NR5A2: variants seen among roughly 807,000 people sequenced by gnomAD.
The protein encoded by NR5A2 is CYP7A promoter-binding factor.
Under a neutral mutation model 62.7 loss-of-function variants are expected in NR5A2, and 26 were observed. The ratio of observed to expected loss-of-function variants is 0.41; its 90% CI spans 0.30 to 0.58. NR5A2 has a LOEUF of 0.58. Among genes scored for constraint, NR5A2 ranks in the 20% least tolerant of loss-of-function variants. NR5A2 has a pLI of 0.22. For missense variants in NR5A2, 541 were observed against 669.1 expected, an observed-to-expected ratio of 0.81 and a Z score of 2.11; for synonymous variants, 246 against 241.7, an observed-to-expected ratio of 1.02 and a Z score of -0.16.
At chr1:200,137,854 G>A (rs1449824181) in intron 7 of NR5A2, among the ~76,000 whole-genome samples, 1 of 152,118 alleles carries the variant, frequency 6.6e-6, no homozygotes, top group African/African-American at 2.4e-5. Flanking sequence ...ATAACCACAT[G>A]TGCTGGCATT....
At chr1:200,119,086 T>C (rs1571509347) in intron 6 of NR5A2, among the ~76,000 whole-genome samples, 1 of 152,340 alleles carries the variant, frequency 6.6e-6, no homozygotes, top group Middle Eastern at 3.4e-3. Flanking sequence ...TATAAACTGA[T>C]TGACACCTTT....
chr1:200,149,023 C>T (rs1471529035), intron 7 of NR5A2, among the ~76,000 whole-genome samples: 1 of 151,996 alleles, frequency 6.6e-6, no homozygotes, highest in African/African-American at 2.4e-5. Context: ...AACAATTCTC[C>T]TGCCTCGACC....
chr1:200,034,069 G>A (rs558223896), intron 1 of NR5A2, among the ~76,000 whole-genome samples: 101 of 152,088 alleles, frequency 6.6e-4, no homozygotes, highest in Non-Finnish European at 1.3e-3. Context: ...TTCCAGTATC[G>A]CCGGATACAT....
chr1:200,103,289 A>G (rs183947874), intron 5 of NR5A2, among the ~76,000 whole-genome samples: 1 of 151,912 alleles, frequency 6.6e-6, no homozygotes, highest in Non-Finnish European at 1.5e-5. Flanking sequence ...ACGCTGGGCT[A>G]ATTTTTTGTA....
chr1:200,163,543 A>C (rs1653755874), intron 7 of NR5A2, among the ~76,000 whole-genome samples: 1 of 150,968 alleles, frequency 6.6e-6, no homozygotes, highest in Non-Finnish European at 1.5e-5. Context: ...GTGCAGTGGC[A>C]CTATCTTGCT....
chr1:200,104,727 ATC>A (rs1389023855), intron 5 of NR5A2, among the ~76,000 whole-genome samples: 2 of 152,168 alleles, frequency 1.3e-5, no homozygotes, highest in African/African-American at 4.8e-5. Flanking sequence ...CAGTGGCGCG[ATC>A]TCGGCTCACT....
intron 5 of NR5A2, among the ~76,000 whole-genome samples, chr1:200,090,363 A>C (rs919471869): frequency 6.6e-6 from 1 of 152,230 alleles, no homozygotes; most frequent in African/African-American, 2.4e-5. Context: ...TTGGGAGTTA[A>C]AAACAGAGAT....
intron 5 of NR5A2, among the ~76,000 whole-genome samples, chr1:200,075,994 C>G (rs530002768): frequency 6.6e-6 from 1 of 151,654 alleles, no homozygotes; most frequent in South Asian, 2.1e-4. Context: ...AAGCTAAACT[C>G]AATAACATCT....
chr1:200,126,532 G>A (rs1322976668), intron 7 of NR5A2, among the ~76,000 whole-genome samples: 2 of 151,922 alleles, frequency 1.3e-5, no homozygotes, highest in African/African-American at 2.4e-5. Flanking sequence ...AAAATAATGG[G>A]AATTGAAAAT....
intron 7 of NR5A2, 81 bp downstream of exon 7, chr1:200,121,036 A>G (rs1558151557): frequency 1.3e-6 from 2 of 1,488,650 alleles, no homozygotes; most frequent in East Asian, 2.3e-5. Context: ...TGGTCCATGT[A>G]TGTTTTTGTT....
chr1:200,120,738 T>C, intron 6 of NR5A2, 70 bp from the exon 7 acceptor site: 1 of 1,439,814 alleles, frequency 6.9e-7, no homozygotes, highest in Non-Finnish European at 9.2e-7. Flanking sequence ...TTACCCATAG[T>C]TCTTACGACT....
At chr1:200,029,185 A>G (rs1391497116) in intron 1 of NR5A2, 2 of 374,592 alleles carry the variant, frequency 5.3e-6, no homozygotes, top group Admixed American at 3.1e-5. Context: ...GGCCGCAGCT[A>G]GAGCGCGCTC....
At chr1:200,144,272 G>A (rs375940418) in intron 7 of NR5A2, among the ~76,000 whole-genome samples, 30 of 121,532 alleles carry the variant, frequency 2.5e-4, no homozygotes, top group African/African-American at 8.9e-4. Flanking sequence ...CACACACACA[G>A]AACAACACTC....
chr1:200,028,422 C>T (rs1211380326), intron 1 of NR5A2, among the ~76,000 whole-genome samples: 6 of 112,816 alleles, frequency 5.3e-5, no homozygotes, highest in African/African-American at 3.1e-4. Flanking sequence ...ATGCCCCCAC[C>T]TCCAAAAAAA....
rs568204610 is a variant in NR5A2 at position 200,162,784 on chromosome 1, T to C, written c.1379-11179T>C. ...TGGGTCTCAGGCTTGAAATCCCAGG[T>C]AGATATTGGGTAACGGGATGGATTC... is the stretch of plus-strand genomic sequence containing the variant. On this transcript the variant is annotated intron_variant, in intron 7 of 7. Coordinates refer to ENST00000367362, the MANE Select transcript of NR5A2 (RefSeq NM_205860.3). 3.3e-5 allele frequency among the ~76,000 whole-genome samples: 5 copies of C among 152,160 alleles called. No individual in the cohort carries two copies. In the East Asian group the frequency reaches 5.8e-4, roughly 18 times the overall value.
rs1356045821 is a variant in NR5A2, at chr1:200,048,865, C to A, written c.1110+47C>A. ...CTTACAGCACCCCTTTTAAGAGAGA[C>A]CTAACTATGTTCCTAATTAATACAT... is the stretch of plus-strand genomic sequence containing the variant. On this transcript the variant is annotated intron_variant, in intron 5 of 7. Transcript: ENST00000367362. The surrounding 1 kb of genome is among the most constrained non-coding windows in gnomAD (Gnocchi z 4.8). 8 of 1,584,838 alleles carry A rather than the reference C, an allele frequency of 5.0e-6. No homozygotes were observed. Among genetic ancestry groups the A allele is most frequent in the Non-Finnish European group, 8.6e-7 (1 of 1,159,236 alleles).
At position 200,046,467 on chromosome 1, in the gene NR5A2, A is replaced by C. The variant is rs12085215; in HGVS notation, c.463+883A>C. ...TATCACCGATGGTGCTAGATACAAGAGTGCATTTTATTTGATCAATGAGGC... is the reference window on the plus strand; with the variant it reads ...TATCACCGATGGTGCTAGATACAAGCGTGCATTTTATTTGATCAATGAGGC... On this transcript the variant is annotated intron_variant, in intron 4 of 7. Coordinates refer to ENST00000367362, the MANE Select transcript of NR5A2 (RefSeq NM_205860.3). 4.9e-3 allele frequency among the ~76,000 whole-genome samples: 750 copies of C among 152,284 alleles called. 8 individuals carry two copies. Among genetic ancestry groups the C allele is most frequent in the African/African-American group, 0.017 (709 of 41,554 alleles).
rs373898946 is a variant in NR5A2, at chr1:200,082,958, A to G, written c.1111-28244A>G. ...ATATACCCTAAGAAACTAAGGCTAT[A>G]TGTCTCTGAGTTTTTCAGTCTAGAA... On this transcript the variant is annotated intron_variant, in intron 5 of 7. Coordinates refer to ENST00000367362, the MANE Select transcript of NR5A2 (RefSeq NM_205860.3). Among the ~76,000 whole-genome samples, 494 of 152,228 alleles carry G rather than the reference A, an allele frequency of 3.2e-3. 2 individuals are homozygous for G. Among genetic ancestry groups the G allele is most frequent in the Non-Finnish European group, 5.4e-3 (368 of 67,996 alleles).
chr1:200,044,304 C>T (rs1464104601), intron 3 of NR5A2: 1 of 152,534 alleles, frequency 6.6e-6, no homozygotes, highest in African/African-American at 2.4e-5. Flanking sequence ...TCTAAACATT[C>T]TTTATCCACA....
Sources: gnomAD v4.1 joint callset for allele counts (sites outside exome capture counted in the v4.1 genomes callset) on GRCh38, gnomAD v4.1.1 for gene constraint, Gnocchi (gnomAD v3.1) non-coding constraint, MANE v1.5 for transcripts, NCBI Gene and HGNC (gene_info 2026-07-23, HGNC 2026-07-21) for gene names.